The following CNBD1 variants were observed in gnomAD, a reference collection of about 807,000 sequenced individuals.
CNBD1 encodes the protein cyclic nucleotide-binding domain-containing protein 1.
A neutral mutation model predicts 54.4 loss-of-function variants in CNBD1; 71 were observed. The ratio of observed to expected loss-of-function variants is 1.30; its 90% confidence interval spans 1.08 to 1.59. The LOEUF (loss-of-function observed/expected upper bound fraction) is 1.59, where lower values mean the gene tolerates loss of function less well. CNBD1 is among the 40% of genes most tolerant of loss of function. The probability of loss-of-function intolerance (pLI) is 0.00; values close to 1 mark genes in which losing one functional copy is unlikely to be tolerated. For synonymous variants in CNBD1, 182 were observed against 170.7 expected (o/e 1.07, Z -0.51); for missense variants, 659 against 518.0 (o/e 1.27, Z -2.64).
chr8:87,400,529 G>A (rs551768091), intron 2 of CNBD1, among the ~76,000 whole-genome samples: 1 of 152,010 alleles, frequency 6.6e-6, no homozygotes. Flanking sequence ...AATTCTAATG[G>A]CCATCAATAA....
intron 4 of CNBD1, among the ~76,000 whole-genome samples, chr8:86,976,042 T>C (rs1808334082): frequency 6.6e-6 from 1 of 151,890 alleles, no homozygotes; most frequent in Admixed American, 6.6e-5. Flanking sequence ...AAAATGTCTA[T>C]CCCAGTCCTT....
chr8:87,414,806 A>T (rs1807809823), intron 2 of CNBD1, among the ~76,000 whole-genome samples: 1 of 152,038 alleles, frequency 6.6e-6, no homozygotes, highest in Non-Finnish European at 1.5e-5. Flanking sequence ...TTTACAATTT[A>T]GTATACATTA....
intron 8 of CNBD1, among the ~76,000 whole-genome samples, chr8:87,289,384 G>A (rs968288685): frequency 6.6e-6 from 1 of 152,068 alleles, no homozygotes; most frequent in Non-Finnish European, 1.5e-5. Flanking sequence ...GGTGTGTCCA[G>A]TTTATATCAC....
chr8:87,149,007 G>T (rs1314733985), intron 4 of CNBD1, among the ~76,000 whole-genome samples: 1 of 152,156 alleles, frequency 6.6e-6, no homozygotes, highest in African/African-American at 2.4e-5. Flanking sequence ...TCCCACCACA[G>T]TCATGAGAAT....
chr8:87,338,275 TC>T (rs1809989157), intron 8 of CNBD1, among the ~76,000 whole-genome samples: 1 of 152,206 alleles, frequency 6.6e-6, no homozygotes, highest in South Asian at 2.1e-4. Context: ...CTGACAGTCT[TC>T]CTTTCATTAT....
chr8:87,261,516 TTTTA>T (rs1221978013), intron 6 of CNBD1, among the ~76,000 whole-genome samples: 2 of 140,016 alleles, frequency 1.4e-5, no homozygotes, highest in Non-Finnish European at 3.1e-5. Flanking sequence ...GTGGAAGAAG[TTTTA>T]TTTATAGACA....
chr8:87,233,006 G>T (rs534909086), intron 5 of CNBD1, among the ~76,000 whole-genome samples: 5 of 151,950 alleles, frequency 3.3e-5, no homozygotes, highest in Admixed American at 3.3e-4. Context: ...ATTTAAATTG[G>T]CCAAAACTTT....
In CNBD1 at chr8:87,351,688, T is replaced by C; in HGVS notation, c.1046T>C (p.Ile349Thr). ...KWKKFPPGHV[I>T]VESGNIISFV... ...GAACTATCTCTCTTCTTTTCAGTGA[T>C]AGTGGAAAGTGGAAATATAATTTCT... Residue 349 changes from isoleucine (I) to threonine (T), a missense_variant, in exon 9 of 11, where the codon ATA becomes ACA. By Grantham distance (89) the Ile-to-Thr change is moderately conservative. Coordinates refer to ENST00000518476, the MANE Select transcript of CNBD1 (RefSeq NM_173538.3). 18 of 1,502,596 alleles carry C rather than the reference T, an allele frequency of 1.2e-5. No individual in the cohort carries two copies. Among genetic ancestry groups the C allele is most frequent in the East Asian group, 2.6e-5 (1 of 39,166 alleles). The allele number at this position is 1,502,596 out of a possible 1,614,324, so 93.1% of individuals were successfully genotyped here.
At chr8:86,983,208 G>C (rs1808526923) in intron 4 of CNBD1, among the ~76,000 whole-genome samples, 1 of 152,134 alleles carries the variant, frequency 6.6e-6, no homozygotes, top group Non-Finnish European at 1.5e-5. Flanking sequence ...CACAAGATCT[G>C]ATGGTTTTAA....
In CNBD1 at chr8:86,986,308, C is replaced by A. The variant is rs536945806; in HGVS notation, c.431+46554C>A. On this transcript the variant is annotated intron_variant, in intron 4 of 10. Transcript: ENST00000518476. Reference sequence around the variant, plus strand: ...ATATGTTTATTGGCCATTTGTATGTCTTCTTTTAAGAAGTATCTGTTCATG... The same window carrying A: ...ATATGTTTATTGGCCATTTGTATGTATTCTTTTAAGAAGTATCTGTTCATG... Among the ~76,000 whole-genome samples the A allele has an allele frequency of 5.3e-5, 8 of 152,198 alleles. No individual in the cohort carries two copies. The South Asian group carries it at 1.7e-3, about 32-fold the overall frequency.
intron 4 of CNBD1, among the ~76,000 whole-genome samples, chr8:87,014,441 T>A (rs559381986): frequency 4.6e-5 from 7 of 152,232 alleles, no homozygotes; most frequent in African/African-American, 1.4e-4. Flanking sequence ...AACAACTGCA[T>A]ACTGAGTTAT....
rs1274272238 is a variant in CNBD1, at chr8:87,182,513, G to A, written c.432-23480G>A. On this transcript the variant is annotated intron_variant, in intron 4 of 10. Coordinates refer to ENST00000518476, the MANE Select transcript of CNBD1 (RefSeq NM_173538.3). This position sits in a 1 kb window ranked among gnomAD's most constrained non-coding sequence, Gnocchi z 4.1. ...TGAAATAATTACATTCCCACCAACA[G>A]GGTGCAAGAATTCCCTTTTCTCCAC... Among the ~76,000 whole-genome samples the A allele has an allele frequency of 2.0e-5, 3 of 152,010 alleles. No homozygotes were observed. Among genetic ancestry groups the A allele is most frequent in the African/African-American group, 7.3e-5 (3 of 41,364 alleles).
rs1261997268 is a variant in CNBD1, at chr8:87,206,077, TA to T, written c.518del (p.Lys173SerfsTer3). ...IPDLTFQLNDKHLKTLSKTVF... is the reference protein window; with the variant it reads ...IPDLTFQLNDXHLKTLSKTVF... Reference sequence around the variant, plus strand: ...CAGATTTAACCTTTCAGCTAAATGATAAGCATCTGAAAACACTTAGTAAGAC... The same window carrying T: ...CAGATTTAACCTTTCAGCTAAATGATAGCATCTGAAAACACTTAGTAAGAC... On this transcript the variant is annotated frameshift_variant, in exon 5 of 11. Coordinates refer to ENST00000518476, the MANE Select transcript of CNBD1 (RefSeq NM_173538.3). LOFTEE classifies it high-confidence loss of function. 7 of 1,607,448 alleles carry T rather than the reference TA, an allele frequency of 4.4e-6. No individual in the cohort carries two copies. Among genetic ancestry groups the T allele is most frequent in the Non-Finnish European group, 5.9e-6 (7 of 1,176,810 alleles).
chr8:87,179,394 GTAT>G (rs1462609825), intron 4 of CNBD1, among the ~76,000 whole-genome samples: 1 of 152,044 alleles, frequency 6.6e-6, no homozygotes, highest in Non-Finnish European at 1.5e-5. Flanking sequence ...TATCTTGAAG[GTAT>G]TATTTTAAAT....
rs368095930 is a variant in CNBD1, at chr8:87,190,847, A to G, written c.432-15146A>G. ...ATAGGAGGTACATATGTAGATATAGATACATGTACCTATATCTAAATAGAT... is the reference window on the plus strand; with the variant it reads ...ATAGGAGGTACATATGTAGATATAGGTACATGTACCTATATCTAAATAGAT... On this transcript the variant is annotated intron_variant, in intron 4 of 10. Coordinates refer to ENST00000518476, the MANE Select transcript of CNBD1 (RefSeq NM_173538.3). Among the ~76,000 whole-genome samples the G allele has an allele frequency of 5.5e-4, 68 of 123,500 alleles. 1 individual carries two copies. The highest frequency in any genetic ancestry group is 4.0e-3 in the Middle Eastern group (1 of 252). The allele number at this position is 123,500 out of a possible 152,430, so 81.0% of individuals were successfully genotyped here.
intron 4 of CNBD1, among the ~76,000 whole-genome samples, chr8:87,190,272 T>C (rs1250259951): frequency 6.6e-6 from 1 of 152,200 alleles, no homozygotes; most frequent in South Asian, 2.1e-4. Context: ...TTTGGATCCT[T>C]GAGGAACTCA....
chr8:87,369,554 T>A (rs141258699), intron 10 of CNBD1, among the ~76,000 whole-genome samples: 268 of 152,108 alleles, frequency 1.8e-3, no homozygotes, highest in South Asian at 5.0e-3. Context: ...TTTTCATGTT[T>A]GAAGATTAGT....
intron 4 of CNBD1, among the ~76,000 whole-genome samples, chr8:87,137,712 GA>G (rs1348467182): frequency 6.6e-6 from 1 of 151,998 alleles, no homozygotes; most frequent in African/African-American, 2.4e-5. Flanking sequence ...TATTTAATAA[GA>G]AATATCAAAT....
chr8:87,251,188 G>A (rs13250646), intron 6 of CNBD1, among the ~76,000 whole-genome samples: 57,285 of 151,756 alleles, frequency 0.38, 11,834 homozygotes, highest in Non-Finnish European at 0.47. Context: ...GAGATCATTA[G>A]TAAAATTTCA....
Sources: allele counts gnomAD v4.1 joint callset (sites outside exome capture counted in the v4.1 genomes callset), GRCh38; gene constraint gnomAD v4.1.1; non-coding constraint Gnocchi (gnomAD v3.1); transcripts MANE v1.5; gene names NCBI Gene and HGNC (gene_info 2026-07-23, HGNC 2026-07-21).